TOX2: variants seen among roughly 807,000 people sequenced by gnomAD.
TOX2 encodes the protein TOX high mobility group box family member 2.
In TOX2, 15 loss-of-function variants were observed where a neutral mutation model predicts 47.4. The ratio of observed to expected loss-of-function variants is 0.32; its 90% CI spans 0.21 to 0.49. The LOEUF is 0.49. Among genes scored for constraint, TOX2 ranks in the 20% least tolerant of loss-of-function variants. The pLI is 0.99. For synonymous variants in TOX2, 290 were observed against 296.6 expected (o/e 0.98, Z 0.23); for missense variants, 622 against 673.1 (o/e 0.92, Z 0.84).
intron 2 of TOX2, among the ~76,000 whole-genome samples, chr20:43,986,643 A>G (rs1232646534): frequency 4.6e-5 from 7 of 152,210 alleles, no homozygotes; most frequent in Non-Finnish European, 8.8e-5. Flanking sequence ...GACTAAGTTG[A>G]GAAGGATCTG....
intron 2 of TOX2, among the ~76,000 whole-genome samples, chr20:44,006,231 G>A (rs1211984906): frequency 6.6e-6 from 1 of 152,188 alleles, no homozygotes; most frequent in African/African-American, 2.4e-5. Flanking sequence ...CAGGAAAGAT[G>A]GATCCAAGGT....
rs772155811 is a variant in TOX2 at position 44,066,837 on chromosome 20, G to A, written c.1464G>A (p.Glu488=). ...GDWDSSYPSG[E]CGISTCSLLP... is the part of the protein sequence containing the mutation. ...GGGACAGCAGCTACCCCAGTGGGGA[G>A]TGTGGCATCAGCACCTGCAGGTTAG... The change falls in exon 8 of 9, where the codon GAG becomes GAA. Residue 488 remains glutamate (E), a synonymous_variant. Transcript: ENST00000341197. 1.2e-6 allele frequency: 2 copies of A among 1,614,042 alleles called. No homozygotes were observed. Among genetic ancestry groups the A allele is most frequent in the Non-Finnish European group, 1.7e-6 (2 of 1,179,944 alleles).
chr20:44,055,706 G>A (rs925987516), intron 5 of TOX2, among the ~76,000 whole-genome samples: 11 of 152,182 alleles, frequency 7.2e-5, no homozygotes, highest in African/African-American at 1.9e-4. Context: ...CCAGGTGGGG[G>A]AAGGTAGGGT....
chr20:43,991,756 GCTTCAGC>G (rs773130249), intron 2 of TOX2, among the ~76,000 whole-genome samples: 4 of 152,000 alleles, frequency 2.6e-5, no homozygotes, highest in East Asian at 1.9e-4. Flanking sequence ...CAATTCTGCT[GCTTCAGC>G]CTCCTGAGTA....
chr20:43,983,162 A>C (rs1049614643), intron 2 of TOX2, among the ~76,000 whole-genome samples: 9 of 151,990 alleles, frequency 5.9e-5, no homozygotes, highest in Admixed American at 3.3e-4. Flanking sequence ...TCCCTTCCCG[A>C]TGCTCCAGCA....
intron 3 of TOX2, among the ~76,000 whole-genome samples, chr20:44,044,079 A>T (rs1435373368): frequency 4.6e-5 from 7 of 152,044 alleles, no homozygotes; most frequent in Non-Finnish European, 7.4e-5. Context: ...CATATACACC[A>T]TGGAATACTA....
At chr20:43,967,384 A>G (rs368061854) in intron 1 of TOX2, among the ~76,000 whole-genome samples, 32 of 152,286 alleles carry the variant, frequency 2.1e-4, no homozygotes, top group African/African-American at 7.2e-4. Context: ...TTTCCAGAGA[A>G]AGTGTGAATC....
At chr20:43,959,874 A>T (rs1170525282) in intron 1 of TOX2, among the ~76,000 whole-genome samples, 1 of 152,082 alleles carries the variant, frequency 6.6e-6, no homozygotes, top group East Asian at 1.9e-4. Flanking sequence ...CTCTAGGGAG[A>T]GCTGGGAGCT....
chr20:43,957,200 C>T (rs887118070), intron 1 of TOX2, among the ~76,000 whole-genome samples: 1 of 152,182 alleles, frequency 6.6e-6, no homozygotes, highest in Admixed American at 6.5e-5. Flanking sequence ...TTATGTTTAA[C>T]TCTTTAATCC....
intron 4 of TOX2, among the ~76,000 whole-genome samples, chr20:44,053,063 C>T (rs967265967): frequency 6.6e-6 from 1 of 152,214 alleles, no homozygotes; most frequent in Non-Finnish European, 1.5e-5. Context: ...CCTCCATCTT[C>T]TTGGCTCCTA....
chr20:44,011,113 C>T (rs1221123031), intron 3 of TOX2, among the ~76,000 whole-genome samples: 5 of 152,162 alleles, frequency 3.3e-5, no homozygotes, highest in Admixed American at 2.0e-4. Flanking sequence ...TTTGTGATGG[C>T]ATTTAGGGCA....
At chr20:44,056,988 C>A (rs575483198) in intron 5 of TOX2, among the ~76,000 whole-genome samples, 18 of 152,320 alleles carry the variant, frequency 1.2e-4, no homozygotes, top group African/African-American at 4.1e-4. Flanking sequence ...TAGCTCACTG[C>A]AGCCTTGAAC....
intron 1 of TOX2, among the ~76,000 whole-genome samples, chr20:43,935,134 A>C (rs1002953295): frequency 6.6e-6 from 1 of 152,112 alleles, no homozygotes; most frequent in South Asian, 2.1e-4. Context: ...ATTATCCCAG[A>C]TGAAGACAGA....
chr20:44,063,989 C>G (rs1426936659), intron 5 of TOX2, among the ~76,000 whole-genome samples: 2 of 152,102 alleles, frequency 1.3e-5, no homozygotes, highest in Non-Finnish European at 2.9e-5. Flanking sequence ...ATACAATGGA[C>G]TTTGGGGACT....
chr20:43,936,572 A>C (rs2069329378), intron 1 of TOX2, among the ~76,000 whole-genome samples: 1 of 152,146 alleles, frequency 6.6e-6, no homozygotes, highest in African/African-American at 2.4e-5. Context: ...TGCAGCTGGC[A>C]GTTTGCATGC....
intron 2 of TOX2, among the ~76,000 whole-genome samples, chr20:43,989,971 A>T (rs772020743): frequency 1.3e-5 from 2 of 151,966 alleles, no homozygotes; most frequent in African/African-American, 4.8e-5. Context: ...AGTTCCCTCT[A>T]TTGGTTGTTG....
intron 1 of TOX2, among the ~76,000 whole-genome samples, chr20:43,967,944 T>C (rs1469790125): frequency 6.6e-6 from 1 of 152,214 alleles, no homozygotes; most frequent in Non-Finnish European, 1.5e-5. Flanking sequence ...CATGCCTGTG[T>C]TGGAACATCT....
chr20:43,945,997 C>T, intron 1 of TOX2: 2 of 1,614,174 alleles, frequency 1.2e-6, no homozygotes, highest in Non-Finnish European at 8.5e-7. Flanking sequence ...GCTCCTTCTA[C>T]TTGCAAGACA....
chr20:43,960,878 A>G (rs565929498), intron 1 of TOX2, among the ~76,000 whole-genome samples: 1 of 152,280 alleles, frequency 6.6e-6, no homozygotes, highest in Non-Finnish European at 1.5e-5. Context: ...CTTAAGACTG[A>G]TGGAACGGCC....
Sources: allele counts gnomAD v4.1 joint callset (sites outside exome capture counted in the v4.1 genomes callset), GRCh38; gene constraint gnomAD v4.1.1; transcripts MANE v1.5; gene names NCBI Gene and HGNC (gene_info 2026-07-23, HGNC 2026-07-21).